Variants in COL10A1 observed in about 807,000 individuals in gnomAD.
COL10A1 encodes collagen alpha-1(X) chain.
A neutral mutation model predicts 18.2 loss-of-function variants in COL10A1; 10 were observed. The observed-to-expected ratio is 0.55, with a 90% confidence interval of 0.34 to 0.93. The LOEUF (loss-of-function observed/expected upper bound fraction) is 0.93, where lower values mean the gene tolerates loss of function less well. COL10A1 is among the 40% of genes least tolerant of loss of function. The pLI is 0.02. For synonymous variants in COL10A1, 330 were observed against 316.6 expected, an observed-to-expected ratio of 1.04 and a Z score of -0.45; for missense variants, 897 against 853.5, an observed-to-expected ratio of 1.05 and a Z score of -0.64.
At position 116,121,748 on chromosome 6, in the gene COL10A1, T is replaced by A. The variant is rs771421027; in HGVS notation, c.368A>T (p.Tyr123Phe). The part of the protein sequence containing the change: ...LPGKPGERGP[Y>F]GPKGDVGPAG... ...TGGTCCAACATCTCCTTTTGGTCCA[T>A]ATGGTCCTCTCTCTCCTGGTTTTCC... is the stretch of plus-strand genomic sequence containing the variant. The change falls in exon 3 of 3, where the codon TAT becomes TTT. Residue 123 changes from tyrosine to phenylalanine, a missense_variant. Transcript: ENST00000651968. The A allele has an allele frequency of 6.2e-7, 1 of 1,613,806 alleles. No homozygotes were observed. Among genetic ancestry groups the A allele is most frequent in the East Asian group, 2.2e-5 (1 of 44,844 alleles).
chr6:116,215,960 A>T, the COL10A1 span, among the ~76,000 whole-genome samples: 1 of 152,186 alleles, frequency 6.6e-6, no homozygotes, highest in Non-Finnish European at 1.5e-5. Flanking sequence ...GTCTATACTC[A>T]TTTAAACTGT....
the COL10A1 span, among the ~76,000 whole-genome samples, chr6:116,182,934 CAT>C: frequency 6.6e-6 from 1 of 152,064 alleles, no homozygotes; most frequent in Non-Finnish European, 1.5e-5. Flanking sequence ...AGTTCTTGAT[CAT>C]GAAGTCTTTG....
At chr6:116,125,530 T>A in intron 1 of COL10A1, 23 bp from the exon 2 acceptor site, 3 of 1,603,094 alleles carry the variant, frequency 1.9e-6, no homozygotes, top group Non-Finnish European at 2.6e-6. Context: ...AAAGAATAAC[T>A]TTATACAGCA....
At chr6:116,209,580 A>C in the COL10A1 span, among the ~76,000 whole-genome samples, 1 of 152,140 alleles carries the variant, frequency 6.6e-6, no homozygotes, top group South Asian at 2.1e-4. Flanking sequence ...AGGGCTCCTC[A>C]TAGAAGGTAA....
upstream of COL10A1, among the ~76,000 whole-genome samples, chr6:116,160,040 A>G (rs956909157): frequency 6.6e-6 from 1 of 152,126 alleles, no homozygotes; most frequent in Non-Finnish European, 1.5e-5. Flanking sequence ...GGTCAATTCC[A>G]TGACTTTGCT....
intron 1 of COL10A1, among the ~76,000 whole-genome samples, chr6:116,150,500 G>A (rs1442146342): frequency 6.6e-6 from 1 of 152,070 alleles, no homozygotes; most frequent in Non-Finnish European, 1.5e-5. Flanking sequence ...GGCCAGGCTG[G>A]TCTCGAATGT....
At chr6:116,213,304 T>A in the COL10A1 span, among the ~76,000 whole-genome samples, 1 of 152,182 alleles carries the variant, frequency 6.6e-6, no homozygotes, top group East Asian at 1.9e-4. Context: ...AGCTCAACAC[T>A]CAGCTGGGGC....
chr6:116,179,204 A>G, the COL10A1 span, among the ~76,000 whole-genome samples: 1 of 152,180 alleles, frequency 6.6e-6, no homozygotes, highest in African/African-American at 2.4e-5. Context: ...AATAACATAT[A>G]GTAGATATTC....
intron 1 of COL10A1, among the ~76,000 whole-genome samples, chr6:116,148,364 A>G (rs1397610971): frequency 1.3e-5 from 2 of 152,202 alleles, no homozygotes; most frequent in African/African-American, 4.8e-5. Flanking sequence ...ATATTGTAGC[A>G]TTTGTTTTCA....
chr6:116,135,834 GAT>G (rs199827970), intron 1 of COL10A1, among the ~76,000 whole-genome samples: 5,315 of 102,068 alleles, frequency 0.052, 116 homozygotes, highest in African/African-American at 0.056. Flanking sequence ...TATATTTTCA[GAT>G]ATATATATAT....
Position 116,120,588 on chromosome 6 carries a change from G to A in COL10A1, c.1528C>T (p.Pro510Ser), listed in dbSNP as rs1436011097. 6.3e-7 allele frequency: 1 copy of A among 1,591,538 alleles called. No individual in the cohort carries two copies. Among genetic ancestry groups the A allele is most frequent in the Non-Finnish European group, 8.5e-7 (1 of 1,171,370 alleles). Residue 510 changes from proline to serine, a missense_variant, in exon 3 of 3, where the codon CCT (proline) becomes TCT (serine). Transcript: ENST00000651968. The stretch of plus-strand genomic sequence containing the variant: ...TGACCTGGTGGGCCTGGAGGCCCAG[G>A]GGGCCCTGGAAGACCAGGCTCTCCA... ...HSGEPGLPGP[P>S]GPPGPPGQAV...
chr6:116,127,912 A>T (rs1779363562), upstream of COL10A1, among the ~76,000 whole-genome samples: 1 of 152,098 alleles, frequency 6.6e-6, no homozygotes, highest in South Asian at 2.1e-4. Context: ...AGAGCCTTTC[A>T]CTTTAACCTC....
chr6:116,216,677 A>G, the COL10A1 span, among the ~76,000 whole-genome samples: 1 of 151,958 alleles, frequency 6.6e-6, no homozygotes, highest in African/African-American at 2.4e-5. Context: ...TAAACCATAT[A>G]TTTTGTTATA....
In COL10A1 at chr6:116,125,331, C is replaced by A; in HGVS notation, c.154+8G>T. ...TGTTAATAGAACAAAATATACAATT[C>A]AATTTACCTTTACTCTTTATGGTGT... On this transcript the variant is annotated splice_region_variant and intron_variant, in intron 2 of 2. Transcript: ENST00000651968. 2 of 1,612,936 alleles carry A rather than the reference C, an allele frequency of 1.2e-6. No homozygotes were observed. Among genetic ancestry groups the A allele is most frequent in the South Asian group, 1.1e-5 (1 of 90,908 alleles).
the COL10A1 span, among the ~76,000 whole-genome samples, chr6:116,208,669 C>T: frequency 1.3e-5 from 2 of 151,982 alleles, no homozygotes; most frequent in Non-Finnish European, 2.9e-5. Context: ...AAAATATTAC[C>T]AGTGGTGGCT....
chr6:116,191,421 G>GTCCC, the COL10A1 span, among the ~76,000 whole-genome samples: 1 of 152,026 alleles, frequency 6.6e-6, no homozygotes, highest in African/African-American at 2.4e-5. Context: ...AGATTCACGG[G>GTCCC]AAAGAAGAGG....
upstream of COL10A1, among the ~76,000 whole-genome samples, chr6:116,126,483 A>G (rs1213010887): frequency 2.6e-5 from 4 of 152,158 alleles, no homozygotes; most frequent in Non-Finnish European, 5.9e-5. Context: ...ATATTATATA[A>G]TATGTGGTAG....
At chr6:116,140,203 C>A (rs889963157) in intron 1 of COL10A1, among the ~76,000 whole-genome samples, 2 of 152,164 alleles carry the variant, frequency 1.3e-5, no homozygotes, top group African/African-American at 2.4e-5. Flanking sequence ...TATTCCTCTT[C>A]TGTTTAATTT....
chr6:116,121,585 A>C lies in COL10A1; in HGVS notation c.531T>G (p.Gly177=). Residue 177 remains glycine (G), a synonymous_variant, in exon 3 of 3, where the codon GGT becomes GGG. Transcript: ENST00000651968. Reference sequence around the variant, plus strand: ...CATTCATACCAGGGACTCCTGGTGCACCCTTTTCTCCAGGAAAGCCCCTGG... The same window carrying C: ...CATTCATACCAGGGACTCCTGGTGCCCCCTTTTCTCCAGGAAAGCCCCTGG... ...PGPRGFPGEK[G]APGVPGMNGQ... 6.2e-7 allele frequency: 1 copy of C among 1,613,702 alleles called. No homozygotes were observed. The highest frequency in any genetic ancestry group is 8.5e-7 in the Non-Finnish European group (1 of 1,179,908).
Sources: allele counts gnomAD v4.1 joint callset (sites outside exome capture counted in the v4.1 genomes callset), GRCh38; gene constraint gnomAD v4.1.1; transcripts MANE v1.5; gene names NCBI Gene and HGNC (gene_info 2026-07-23, HGNC 2026-07-21).